Variants in CSMD2 observed in about 807,000 individuals in gnomAD.
The protein encoded by CSMD2 is CUB and sushi domain-containing protein 2.
A neutral mutation model predicts 398.5 loss-of-function variants in CSMD2; 130 were observed. That is an observed-to-expected ratio of 0.33 (90% CI 0.28 to 0.38). The LOEUF (loss-of-function observed/expected upper bound fraction) is 0.38. Among genes scored for constraint, CSMD2 ranks in the 10% least tolerant of loss-of-function variants. The pLI, the probability that CSMD2 is intolerant of heterozygous loss-of-function variation, is 1.00. For synonymous variants in CSMD2, 1,828 were observed against 1,908.5 expected (o/e 0.96, Z 1.10); for missense variants, 3,829 against 4,764.9 (o/e 0.80, Z 5.78).
At chr1:33,962,527 A>G (rs537809473) in intron 3 of CSMD2, among the ~76,000 whole-genome samples, 1 of 152,246 alleles carries the variant, frequency 6.6e-6, no homozygotes, top group South Asian at 2.1e-4. Flanking sequence ...GAGGGAAAAA[A>G]TTTATTACTG....
intron 13 of CSMD2, among the ~76,000 whole-genome samples, chr1:33,748,647 C>G (rs890309294): frequency 6.6e-6 from 1 of 151,910 alleles, no homozygotes; most frequent in African/African-American, 2.4e-5. Context: ...AATACAAAAT[C>G]CAAATATCAT....
intron 6 of CSMD2, among the ~76,000 whole-genome samples, chr1:33,832,841 T>C (rs1468274878): frequency 6.6e-6 from 1 of 152,162 alleles, no homozygotes; most frequent in Admixed American, 6.5e-5. Flanking sequence ...CCCACAGAAA[T>C]ACAAACTACC....
chr1:33,686,186 G>A (rs1408370561), intron 25 of CSMD2, among the ~76,000 whole-genome samples: 1 of 152,132 alleles, frequency 6.6e-6, no homozygotes, highest in African/African-American at 2.4e-5. Context: ...AAGAGCAAAG[G>A]GCTTTCCCTC....
chr1:34,054,230 C>T (rs115401451), intron 2 of CSMD2, among the ~76,000 whole-genome samples: 102 of 152,186 alleles, frequency 6.7e-4, no homozygotes, highest in Non-Finnish European at 1.3e-3. Flanking sequence ...ATTGCATTTG[C>T]CCTGTAATTT....
intron 3 of CSMD2, among the ~76,000 whole-genome samples, chr1:33,963,655 A>G (rs1208598483): frequency 1.3e-5 from 2 of 152,172 alleles, no homozygotes; most frequent in Non-Finnish European, 2.9e-5. Flanking sequence ...ATATAAATGT[A>G]ATCATACAGG....
chr1:33,984,233 A>T (rs1239579803), intron 3 of CSMD2, among the ~76,000 whole-genome samples: 1 of 152,058 alleles, frequency 6.6e-6, no homozygotes, highest in East Asian at 1.9e-4. Flanking sequence ...TCATGGAGGA[A>T]GCCAGGGAAT....
Position 33,633,557 on chromosome 1 carries a change from G to C in CSMD2, c.5087-22C>G. ...ACCACTGTGGAGGAGACACAGTGTG[G>C]GGACTGGGCAGGCACGCTGGGGGCA... is the stretch of plus-strand genomic sequence containing the variant. On this transcript the variant is annotated intron_variant, in intron 31 of 70. Transcript: ENST00000373381. This position sits in a 1 kb window ranked among gnomAD's most constrained non-coding sequence, Gnocchi z 5.0. 6.5e-7 allele frequency: 1 copy of C among 1,533,794 alleles called. No homozygotes were observed.
At chr1:33,731,904 C>T (rs1201348322) in intron 15 of CSMD2, among the ~76,000 whole-genome samples, 6 of 151,980 alleles carry the variant, frequency 3.9e-5, no homozygotes, top group East Asian at 3.9e-4. Flanking sequence ...AAATTTGCTG[C>T]GAAATAATCC....
intron 1 of CSMD2, among the ~76,000 whole-genome samples, chr1:34,102,079 G>A (rs561339588): frequency 4.1e-4 from 62 of 151,664 alleles, no homozygotes; most frequent in Non-Finnish European, 7.8e-4. Flanking sequence ...CACCCAGACT[G>A]GAGTGCAGTG....
chr1:34,053,455 G>T (rs188168823), intron 2 of CSMD2, among the ~76,000 whole-genome samples: 2 of 152,100 alleles, frequency 1.3e-5, no homozygotes, highest in African/African-American at 4.8e-5. Context: ...ACACAAGAAA[G>T]CTCCAAGGAA....
chr1:34,102,687 A>G lies in CSMD2; in HGVS notation c.188-13494T>C, dbSNP rs111678641. On this transcript the variant is annotated intron_variant, in intron 1 of 70. Coordinates refer to ENST00000373381, the MANE Select transcript of CSMD2 (RefSeq NM_001281956.2). Reference sequence around the variant, plus strand: ...CCCTGTAATCCGGCCATATCCCTGTAATCCGGCCATGCTGGACCTTTGCAT... The same window carrying G: ...CCCTGTAATCCGGCCATATCCCTGTGATCCGGCCATGCTGGACCTTTGCAT... Among the ~76,000 whole-genome samples the G allele has an allele frequency of 2.0e-3, 280 of 142,528 alleles. 1 individual carries two copies. Among genetic ancestry groups the G allele is most frequent in the African/African-American group, 7.1e-3 (262 of 36,964 alleles). 93.5% of individuals were successfully genotyped at this position (142,528 alleles called of 152,430 possible).
intron 15 of CSMD2, among the ~76,000 whole-genome samples, chr1:33,728,571 G>T (rs1251239681): frequency 6.6e-6 from 1 of 152,092 alleles, no homozygotes; most frequent in Non-Finnish European, 1.5e-5. Context: ...GGCCAAGTAG[G>T]TTAAGAGACT....
chr1:33,590,824 C>T (rs1486052254), intron 44 of CSMD2, among the ~76,000 whole-genome samples: 1 of 152,092 alleles, frequency 6.6e-6, no homozygotes, highest in Non-Finnish European at 1.5e-5. Flanking sequence ...AACATGTTAA[C>T]TCGTGAACGG....
intron 3 of CSMD2, among the ~76,000 whole-genome samples, chr1:33,979,094 C>G (rs1646071530): frequency 1.3e-5 from 2 of 152,174 alleles, no homozygotes; most frequent in Non-Finnish European, 2.9e-5. Flanking sequence ...GTTTCTGTTG[C>G]TTTGTGTGCC....
rs1553156499 is a variant in CSMD2 at position 33,618,031 on chromosome 1, G to GACAGAGAGAC, written c.5828-415_5828-414insGTCTCTCTGT. Among the ~76,000 whole-genome samples the GACAGAGAGAC allele has an allele frequency of 8.5e-4, 129 of 152,182 alleles. 1 individual carries two copies. The highest frequency in any genetic ancestry group is 2.6e-3 in the African/African-American group (108 of 41,512). Reference sequence around the variant, plus strand: ...CTGTGGGCTAAGACAGAGAGACAGAGAGAGAGAGAGGGAAAAGAAGGTCAA... The same window carrying GACAGAGAGAC: ...CTGTGGGCTAAGACAGAGAGACAGAGACAGAGAGACAGAGAGAGAGGGAAAAGAAGGTCAA... On this transcript the variant is annotated intron_variant, in intron 37 of 70. Coordinates refer to ENST00000373381, the MANE Select transcript of CSMD2 (RefSeq NM_001281956.2).
chr1:33,724,083 C>T (rs1646445118), intron 19 of CSMD2, 114 bp downstream of exon 19: 9 of 714,948 alleles, frequency 1.3e-5, no homozygotes, highest in East Asian at 5.0e-5. Flanking sequence ...AAAGTTCAGA[C>T]GAAGCCCAGA....
chr1:33,993,589 C>T (rs1253462337), intron 3 of CSMD2, among the ~76,000 whole-genome samples: 1 of 152,148 alleles, frequency 6.6e-6, no homozygotes, highest in Non-Finnish European at 1.5e-5. Flanking sequence ...CTTCTTTTTT[C>T]CTTTGCTACT....
intron 37 of CSMD2, among the ~76,000 whole-genome samples, chr1:33,619,274 C>A (rs574915428): frequency 6.6e-6 from 1 of 152,348 alleles, no homozygotes; most frequent in South Asian, 2.1e-4. Context: ...TGGGAGATGG[C>A]AGCCTTGGCC....
chr1:34,142,940 G>A (rs569309160), intron 1 of CSMD2, among the ~76,000 whole-genome samples: 3 of 152,250 alleles, frequency 2.0e-5, no homozygotes, highest in South Asian at 2.1e-4. Context: ...CTAGGGCTGC[G>A]ACATTGTGTG....
Sources: allele counts gnomAD v4.1 joint callset (sites outside exome capture counted in the v4.1 genomes callset), GRCh38; gene constraint gnomAD v4.1.1; non-coding constraint Gnocchi (gnomAD v3.1); transcripts MANE v1.5; gene names NCBI Gene and HGNC (gene_info 2026-07-23, HGNC 2026-07-21).